Variants in TRIM65 observed in about 807,000 individuals in gnomAD.
The protein encoded by TRIM65 is tripartite motif containing 65.
Under a neutral mutation model 36.1 loss-of-function variants are expected in TRIM65, and 46 were observed. The observed-to-expected ratio is 1.27, with a 90% CI of 1.01 to 1.63. The LOEUF (loss-of-function observed/expected upper bound fraction) is 1.63. Ranked by LOEUF, TRIM65 falls within the 40% of genes most tolerant of loss-of-function variation. The pLI, the probability that TRIM65 is intolerant of heterozygous loss-of-function variation, is 0.00. For synonymous variants in TRIM65, 346 were observed against 313.6 expected, an observed-to-expected ratio of 1.10 and a Z score of -1.09; for missense variants, 708 against 696.6, an observed-to-expected ratio of 1.02 and a Z score of -0.18.
chr17:75,895,288 C>T (rs2065330211), intron 1 of TRIM65, among the ~76,000 whole-genome samples: 1 of 152,150 alleles, frequency 6.6e-6, no homozygotes, highest in South Asian at 2.1e-4. Flanking sequence ...GGTTCTTTGC[C>T]TCCCTGCACT....
rs149495278 is a variant in TRIM65, at chr17:75,890,647, C to A, written c.*132G>T. ...AACTCTGCGTTTATGCTCACCTCCC[C>A]CAACCTCCCATCTCTTTCTGAGTTA... On this transcript the variant is annotated 3_prime_UTR_variant, in exon 6 of 6. Transcript: ENST00000269383. 1.0e-4 allele frequency: 80 copies of A among 763,834 alleles called. 2 individuals carry two copies. In the East Asian group the frequency reaches 2.2e-3, roughly 21 times the overall value. 47.3% of individuals were successfully genotyped at this position (763,834 alleles called of 1,614,324 possible).
At chr17:75,886,726 T>C (rs1190776806), downstream of TRIM65, among the ~76,000 whole-genome samples, 4 of 151,974 alleles carry the variant, frequency 2.6e-5, no homozygotes, top group Non-Finnish European at 4.4e-5. Flanking sequence ...ATCCACCTGA[T>C]TGTGCACAAC....
chr17:75,881,091 CA>C (rs1423317749), intron 4 of TRIM65, among the ~76,000 whole-genome samples: 3 of 149,510 alleles, frequency 2.0e-5, no homozygotes, highest in South Asian at 4.2e-4. Context: ...ACTAAAAATA[CA>C]AAAAAATTAG....
At position 75,892,397 on chromosome 17, in the gene TRIM65, G is replaced by A. The variant is rs145657229; in HGVS notation, c.614C>T (p.Ala205Val). The change falls in exon 3 of 6, where the codon GCC becomes GTC. Residue 205 changes from alanine to valine, a missense_variant. By Grantham distance (64) the Ala-to-Val change is moderately conservative. Transcript: ENST00000269383. ...HTTALRSIEV[A>V]KTQALAQARD... ...AGCCTGTGCCAGCGCCTGCGTCTTG[G>A]CCACCTCGATGCTCCTCAGTGCTGT... 6.5e-4 allele frequency: 1,045 copies of A among 1,614,008 alleles called. 1 individual carries two copies. Among genetic ancestry groups the A allele is most frequent in the Non-Finnish European group, 8.2e-4 (973 of 1,179,988 alleles).
At position 75,892,343 on chromosome 17, in the gene TRIM65, T is replaced by G; in HGVS notation, c.668A>C (p.His223Pro). The G allele has an allele frequency of 6.2e-7, 1 of 1,613,124 alleles. No homozygotes were observed. Among genetic ancestry groups the G allele is most frequent in the Non-Finnish European group, 8.5e-7 (1 of 1,179,930 alleles). The change falls in exon 3 of 6, where the codon CAT (histidine) becomes CCT (proline). Residue 223 changes from histidine to proline, a missense_variant. Physicochemically the swap from His to Pro is moderately conservative, Grantham distance 77. Coordinates refer to ENST00000269383, the MANE Select transcript of TRIM65 (RefSeq NM_173547.4). ...ARDEEQRLRV[H>P]LEAVARHGCR... ...GCCATGGCGAGCCACAGCCTCCAAA[T>G]GGACCCGCAGCCGCTGCTCCTCGTC...
intron 1 of TRIM65, among the ~76,000 whole-genome samples, chr17:75,893,571 C>T (rs1016465931): frequency 6.6e-6 from 1 of 152,162 alleles, no homozygotes; most frequent in Non-Finnish European, 1.5e-5. Context: ...GCTTCACCAC[C>T]TTGTTTCTGC....
chr17:75,893,537 T>C (rs1567846671), intron 1 of TRIM65, among the ~76,000 whole-genome samples: 1 of 152,088 alleles, frequency 6.6e-6, no homozygotes, highest in Non-Finnish European at 1.5e-5. Flanking sequence ...TCCCAGGGGC[T>C]CCATTCCCAG....
At chr17:75,886,293 C>T (rs561220408), downstream of TRIM65, among the ~76,000 whole-genome samples, 4 of 152,090 alleles carry the variant, frequency 2.6e-5, no homozygotes, top group African/African-American at 7.2e-5. Flanking sequence ...GAGGCCGAGG[C>T]GGGCGGATCA....
At chr17:75,882,208 CTTCTT>C (rs1300815197) in intron 4 of TRIM65, among the ~76,000 whole-genome samples, 2 of 150,276 alleles carry the variant, frequency 1.3e-5, no homozygotes, top group Non-Finnish European at 1.5e-5. Context: ...CATCTTGCTA[CTTCTT>C]TTCTTTTTTT....
At chr17:75,888,209 CG>C (rs1222271483), downstream of TRIM65, among the ~76,000 whole-genome samples, 4 of 146,796 alleles carry the variant, frequency 2.7e-5, no homozygotes, top group Admixed American at 6.8e-5. Flanking sequence ...AAATATTAGT[CG>C]GGTGTGGTGG....
At position 75,892,308 on chromosome 17, in the gene TRIM65, G is replaced by T; in HGVS notation, c.703C>A (p.Arg235=). The change falls in exon 3 of 6, where the codon CGG becomes AGG. Residue 235 remains arginine (R), a synonymous_variant. Coordinates refer to ENST00000269383, the MANE Select transcript of TRIM65 (RefSeq NM_173547.4). ...EAVARHGCRI[R]ELLEQVDEQT... ...TCATCCACCTGCTCCAGGAGCTCCC[G>T]GATCCTGCAGCCATGGCGAGCCACA... 6.2e-7 allele frequency: 1 copy of T among 1,612,572 alleles called. No individual in the cohort carries two copies. The highest frequency in any genetic ancestry group is 8.5e-7 in the Non-Finnish European group (1 of 1,179,882).
rs145909647 is a variant in TRIM65 at position 75,891,054 on chromosome 17, C to G, written c.1279G>C (p.Val427Leu). The G allele has an allele frequency of 2.5e-5, 41 of 1,612,346 alleles. 1 individual carries two copies. In the South Asian group the frequency reaches 4.3e-4, roughly 17 times the overall value. Residue 427 changes from valine to leucine, a missense_variant, in exon 6 of 6, where the codon GTC becomes CTC. Val to Leu is a conservative substitution (Grantham distance 32). Transcript: ENST00000269383. Reference sequence around the variant, plus strand: ...CAGGCCTGGAGGCTGTCCTCCTGGACGCAGAGCCCCCAGGAGCAGGGTCCC... The same window carrying G: ...CAGGCCTGGAGGCTGTCCTCCTGGAGGCAGAGCCCCCAGGAGCAGGGTCCC... ...GRGPCSWGLCVQEDSLQAWHN... is the reference protein window; with the variant it reads ...GRGPCSWGLCLQEDSLQAWHN...
chr17:75,892,625 C>T lies in TRIM65; in HGVS notation c.511-125G>A, dbSNP rs1949795606. 1.7e-5 allele frequency: 21 copies of T among 1,219,480 alleles called. No homozygotes were observed. In the South Asian group the frequency reaches 2.1e-4, roughly 12 times the overall value. 75.5% of individuals were successfully genotyped at this position (1,219,480 alleles called of 1,614,324 possible). A position where few individuals can be genotyped will look rare whatever the true frequency, so the allele number is the denominator to read the frequency against. On this transcript the variant is annotated intron_variant, in intron 2 of 5. Coordinates refer to ENST00000269383, the MANE Select transcript of TRIM65 (RefSeq NM_173547.4). ...TGGGGAGGCAGGGTCCCGGGAACCT[C>T]CCCAGGACCCCTGTGCCCAGCTCCC...
rs1375285853 is a variant in TRIM65, at chr17:75,890,903, A to G, written c.1430T>C (p.Phe477Ser). The G allele has an allele frequency of 1.3e-6, 2 of 1,545,432 alleles. No individual in the cohort carries two copies. The highest frequency in any genetic ancestry group is 2.1e-5 in the Admixed American group (1 of 46,762). ...GAGGGGCTGGTTGAAGAGGGCATGG[A>G]AGGTGTACAGGGGCTGGGTCTGGGG... ...LEPQTQPLYT[F>S]HALFNQPLTP... Residue 477 changes from phenylalanine to serine, a missense_variant, in exon 6 of 6, where the codon TTC (phenylalanine) becomes TCC (serine). Transcript: ENST00000269383.
At position 75,890,838 on chromosome 17, in the gene TRIM65, G is replaced by A. The variant is rs865979917; in HGVS notation, c.1495C>T (p.Leu499=). ...FWLLEGRTLT[L]CHQPGAVFPL... is the part of the protein sequence containing the mutation. ...AACACAGCCCCTGGCTGATGGCACA[G>A]GGTCAGGGTCCTACCCTCGAGGAGC... Residue 499 remains leucine (L), a synonymous_variant, in exon 6 of 6, where the codon CTG becomes TTG. Transcript: ENST00000269383. The A allele has an allele frequency of 1.3e-6, 2 of 1,520,812 alleles. No individual in the cohort carries two copies. Among genetic ancestry groups the A allele is most frequent in the Admixed American group, 5.1e-5 (2 of 39,590 alleles). The allele number at this position is 1,520,812 out of a possible 1,614,324, so 94.2% of individuals were successfully genotyped here. A position where few individuals can be genotyped will look rare whatever the true frequency, so the allele number is the denominator to read the frequency against.
chr17:75,881,647 C>G (rs190452419), intron 4 of TRIM65, among the ~76,000 whole-genome samples: 1 of 150,752 alleles, frequency 6.6e-6, no homozygotes, highest in African/African-American at 2.5e-5. Flanking sequence ...CTCAACACAT[C>G]AATTCTGAGG....
chr17:75,890,681 G>A lies in TRIM65; in HGVS notation c.*98C>T. ...CATCTCTTTCTGAGTTAACAGAGAG[G>A]CCAACAGCTGGTCCTCCAGTCCCCA... is the stretch of plus-strand genomic sequence containing the variant. On this transcript the variant is annotated 3_prime_UTR_variant, in exon 6 of 6. Transcript: ENST00000269383. 9.4e-7 allele frequency: 1 copy of A among 1,061,854 alleles called. No individual in the cohort carries two copies. The allele number at this position is 1,061,854 out of a possible 1,614,324, so 65.8% of individuals were successfully genotyped here. A position where few individuals can be genotyped will look rare whatever the true frequency, so the allele number is the denominator to read the frequency against.
downstream of TRIM65, among the ~76,000 whole-genome samples, chr17:75,888,164 T>TATATATATATAA (rs1555609125): frequency 1.7e-4 from 23 of 137,066 alleles, no homozygotes; most frequent in African/African-American, 6.2e-4. Context: ...TCAAAAAATA[T>TATATATATATAA]ATAAATAAAT....
chr17:75,888,075 G>A (rs2065222452), downstream of TRIM65, among the ~76,000 whole-genome samples: 1 of 151,976 alleles, frequency 6.6e-6, no homozygotes, highest in African/African-American at 2.4e-5. Flanking sequence ...AGAATGGTGT[G>A]AACCCAGGAG....
Sources: allele counts gnomAD v4.1 joint callset (sites outside exome capture counted in the v4.1 genomes callset), GRCh38; gene constraint gnomAD v4.1.1; transcripts MANE v1.5; gene names NCBI Gene and HGNC (gene_info 2026-07-23, HGNC 2026-07-21).